The following SDK2 variants were observed in gnomAD, a reference collection of about 807,000 sequenced individuals.
SDK2 encodes protein sidekick-2.
SDK2 carries 105 observed loss-of-function variants against 253.9 expected under a neutral mutation model. That is an observed-to-expected ratio of 0.41 (90% CI 0.35 to 0.49). SDK2 has a LOEUF of 0.49. SDK2 is among the 20% of genes least tolerant of loss of function. The probability of loss-of-function intolerance (pLI) is 0.06; values close to 1 mark genes in which losing one functional copy is unlikely to be tolerated. For synonymous variants in SDK2, 1,249 were observed against 1,234.9 expected (o/e 1.01, Z -0.24); for missense variants, 2,608 against 3,003.0 (o/e 0.87, Z 3.07).
intron 24 of SDK2, among the ~76,000 whole-genome samples, chr17:73,396,134 C>T (rs1198276974): frequency 6.6e-6 from 1 of 152,176 alleles, no homozygotes; most frequent in African/African-American, 2.4e-5. Flanking sequence ...TCGCCTCGGC[C>T]TCCCAAAGTG....
At chr17:73,414,861 C>T in intron 17 of SDK2, 102 bp from the exon 18 acceptor site, 2 of 709,078 alleles carry the variant, frequency 2.8e-6, no homozygotes, top group Non-Finnish European at 5.0e-6. Context: ...TAGCCTCTGC[C>T]TTGCACCCCC....
At chr17:73,559,680 G>A (rs2045201467) in intron 1 of SDK2, among the ~76,000 whole-genome samples, 2 of 147,660 alleles carry the variant, frequency 1.4e-5, no homozygotes, top group African/African-American at 5.0e-5. Flanking sequence ...CCACAGGCAG[G>A]TCTGCAGCCT....
chr17:73,466,925 T>C lies in SDK2; in HGVS notation c.331+5187A>G, dbSNP rs184125835. On this transcript the variant is annotated intron_variant, in intron 3 of 44. Coordinates refer to ENST00000392650, the MANE Select transcript of SDK2 (RefSeq NM_001144952.2). ...GTGCTCAAAGTCCCAAGCTAGTCAG[T>C]GCCTCGGTTGGGGCGAGAATCCACG... Among the ~76,000 whole-genome samples the C allele has an allele frequency of 6.2e-4, 95 of 152,274 alleles. 1 individual carries two copies. Among genetic ancestry groups the C allele is most frequent in the African/African-American group, 2.1e-3 (88 of 41,568 alleles).
chr17:73,608,320 C>T (rs773086187), intron 1 of SDK2, among the ~76,000 whole-genome samples: 1 of 152,040 alleles, frequency 6.6e-6, no homozygotes, highest in South Asian at 2.1e-4. Context: ...GGTAAAGGGC[C>T]CTTCTCATCC....
chr17:73,634,699 CA>C (rs1008334529), intron 1 of SDK2, among the ~76,000 whole-genome samples: 1 of 152,216 alleles, frequency 6.6e-6, no homozygotes, highest in Non-Finnish European at 1.5e-5. Flanking sequence ...GCTGTCGGGG[CA>C]GGGGCACCTG....
intron 2 of SDK2, among the ~76,000 whole-genome samples, chr17:73,472,529 C>T (rs2063659688): frequency 6.6e-6 from 1 of 152,198 alleles, no homozygotes; most frequent in South Asian, 2.1e-4. Context: ...GTGTTGGAAG[C>T]AGCTATTCTC....
rs1323864491 is a variant in SDK2, at chr17:73,387,945, G to A, written c.4285C>T (p.Leu1429Phe). Residue 1429 changes from leucine to phenylalanine, a missense_variant, in exon 30 of 45, where the codon CTC becomes TTC. By Grantham distance (22) the Leu-to-Phe change is conservative. Around this residue, in one of 2 missense-constraint regions of SDK2, gnomAD observed 1,103 missense variants for 1,143.9 expected, o/e 0.96. Coordinates refer to ENST00000392650, the MANE Select transcript of SDK2 (RefSeq NM_001144952.2). Reference protein sequence around the residue: ...LLSWEPGSDGLSPVRYYTIQT... With the variant: ...LLSWEPGSDGFSPVRYYTIQT... Reference sequence around the variant, plus strand: ...ATGGTGTAGTAGCGCACAGGGGAGAGCCCGTCGCTCCCTGGCTCCCAGGAC... The same window carrying A: ...ATGGTGTAGTAGCGCACAGGGGAGAACCCGTCGCTCCCTGGCTCCCAGGAC... 1 of 1,579,256 alleles carries A rather than the reference G, an allele frequency of 6.3e-7. No individual in the cohort carries two copies. The highest frequency in any genetic ancestry group is 8.6e-7 in the Non-Finnish European group (1 of 1,163,412).
chr17:73,576,163 T>C (rs1041103187), intron 1 of SDK2, among the ~76,000 whole-genome samples: 7 of 151,896 alleles, frequency 4.6e-5, no homozygotes, highest in African/African-American at 1.7e-4. Context: ...GTTAAGATGA[T>C]GAAATCATGA....
chr17:73,524,872 C>T lies in SDK2; in HGVS notation c.65-17275G>A, dbSNP rs551951366. On this transcript the variant is annotated intron_variant, in intron 1 of 44. Transcript: ENST00000392650. ...GCAACAGAGCCATCGCTGGGTGCTT[C>T]CTCCTCAATCATGCAGACGTTTCAG... Among the ~76,000 whole-genome samples the T allele has an allele frequency of 2.6e-5, 4 of 152,394 alleles. No homozygotes were observed. The South Asian group carries it at 6.2e-4, about 24-fold the overall frequency.
intron 1 of SDK2, among the ~76,000 whole-genome samples, chr17:73,585,361 C>T (rs534964627): frequency 2.6e-5 from 4 of 152,302 alleles, no homozygotes; most frequent in South Asian, 2.1e-4. Flanking sequence ...TGGTGTGCCA[C>T]GGATAACACA....
chr17:73,460,890 C>T (rs1267801920), intron 3 of SDK2, among the ~76,000 whole-genome samples: 1 of 152,174 alleles, frequency 6.6e-6, no homozygotes, highest in Non-Finnish European at 1.5e-5. Context: ...TATATTTGAA[C>T]AATTTAAAGC....
In SDK2 at chr17:73,361,314, G is replaced by A. The variant is rs1057252669; in HGVS notation, c.5467+370C>T. On this transcript the variant is annotated intron_variant, in intron 39 of 44. Coordinates refer to ENST00000392650, the MANE Select transcript of SDK2 (RefSeq NM_001144952.2). The surrounding 1 kb of genome is among the most constrained non-coding windows in gnomAD (Gnocchi z 4.1). ...CGTGGGAAGATGGCTCTGGCTGGGC[G>A]AAAGGCAGGGGCACCTGCCAGGCTG... 6.6e-6 allele frequency among the ~76,000 whole-genome samples: 1 copy of A among 152,170 alleles called. No individual in the cohort carries two copies. The highest frequency in any genetic ancestry group is 1.5e-5 in the Non-Finnish European group (1 of 68,034).
In SDK2 at chr17:73,337,065, G is replaced by GTC. The variant is rs1436415186; in HGVS notation, c.*1521_*1522insGA. The GTC allele has an allele frequency of 1.3e-5, 2 of 152,254 alleles. No individual in the cohort carries two copies. The highest frequency in any genetic ancestry group is 3.9e-4 in the East Asian group (2 of 5,178). 9.4% of individuals were successfully genotyped at this position (152,254 alleles called of 1,614,324 possible). A position where few individuals can be genotyped will look rare whatever the true frequency, so the allele number is the denominator to read the frequency against. On this transcript the variant is annotated 3_prime_UTR_variant, in exon 45 of 45. Transcript: ENST00000392650. ...ATTGTGTATGTGTATGTGTGTGTGT[G>GTC]TGTGTGTGTGTGTGTGTAAAAGCAT...
Position 73,447,489 on chromosome 17 carries a change from C to CA in SDK2, c.613+125_613+126insT. The CA allele has an allele frequency of 8.0e-6, 11 of 1,377,932 alleles. No homozygotes were observed. Among genetic ancestry groups the CA allele is most frequent in the Non-Finnish European group, 1.1e-5 (11 of 1,007,762 alleles). 85.4% of individuals were successfully genotyped at this position (1,377,932 alleles called of 1,614,324 possible). A position where few individuals can be genotyped will look rare whatever the true frequency, so the allele number is the denominator to read the frequency against. The stretch of plus-strand genomic sequence containing the variant: ...CTCGTCCTCCTTGGGAAGGCTCCCC[C>CA]CGGCCGTCCCCTAGCTTCCCTGTCC... On this transcript the variant is annotated intron_variant, in intron 5 of 44. Transcript: ENST00000392650. The surrounding 1 kb of genome is among the most constrained non-coding windows in gnomAD (Gnocchi z 4.0).
intron 2 of SDK2, among the ~76,000 whole-genome samples, chr17:73,488,859 T>G (rs2063785926): frequency 6.6e-6 from 1 of 152,206 alleles, no homozygotes; most frequent in Non-Finnish European, 1.5e-5. Context: ...ATTTCCCCCG[T>G]AAGCCCTTTG....
chr17:73,596,555 T>C (rs11652296), intron 1 of SDK2, among the ~76,000 whole-genome samples: 27,302 of 152,192 alleles, frequency 0.18, 2,631 homozygotes, highest in African/African-American at 0.19. Flanking sequence ...TCCCAGCCTC[T>C]GAAAGGGGGC....
chr17:73,364,442 T>C (rs11650447), intron 38 of SDK2, among the ~76,000 whole-genome samples: 61,050 of 151,750 alleles, frequency 0.4, 12,962 homozygotes, highest in East Asian at 0.54. Flanking sequence ...AGGGACCTCC[T>C]TGGTCTTGTG....
At chr17:73,358,888 G>A (rs534168261) in intron 39 of SDK2, among the ~76,000 whole-genome samples, 7 of 152,228 alleles carry the variant, frequency 4.6e-5, no homozygotes, top group African/African-American at 7.2e-5. Flanking sequence ...ATGAAGGTAC[G>A]TCAGGAGCAG....
intron 3 of SDK2, among the ~76,000 whole-genome samples, chr17:73,468,982 G>A (rs998666324): frequency 2.0e-5 from 3 of 150,794 alleles, no homozygotes; most frequent in Non-Finnish European, 2.9e-5. Context: ...ATGCCACCAT[G>A]CCCGGCTAAT....
Sources: gnomAD v4.1 joint callset for allele counts (sites outside exome capture counted in the v4.1 genomes callset) on GRCh38, gnomAD v4.1.1 for gene constraint, gnomAD v4.1.1 regional missense constraint, Gnocchi (gnomAD v3.1) non-coding constraint, MANE v1.5 for transcripts, NCBI Gene and HGNC (gene_info 2026-07-23, HGNC 2026-07-21) for gene names.